The following PPP4R3B variants were observed in gnomAD, a reference collection of about 807,000 sequenced individuals.
PPP4R3B encodes the protein serine/threonine-protein phosphatase 4 regulatory subunit 3B.
Under a neutral mutation model 95.4 loss-of-function variants are expected in PPP4R3B, and 52 were observed. That is an observed-to-expected ratio of 0.54 (90% confidence interval 0.44 to 0.69). The LOEUF (loss-of-function observed/expected upper bound fraction) is 0.69, where lower values mean the gene tolerates loss of function less well. Among genes scored for constraint, PPP4R3B ranks in the 30% least tolerant of loss-of-function variants. The pLI is 0.00. For synonymous variants in PPP4R3B, 407 were observed against 343.9 expected, an observed-to-expected ratio of 1.18 and a Z score of -2.03; for missense variants, 1,003 against 1,005.9, an observed-to-expected ratio of 1.00 and a Z score of 0.04.
At chr2:55,614,478 C>T (rs1172535497) in intron 2 of PPP4R3B, 3 of 152,096 alleles carry the variant, frequency 2.0e-5, no homozygotes, top group Admixed American at 6.5e-5. Context: ...GTGAAAAATG[C>T]AAGCTGCAGA....
intron 2 of PPP4R3B, chr2:55,615,250 G>A (rs182705335): frequency 5.7e-6 from 3 of 527,024 alleles, no homozygotes; most frequent in South Asian, 4.5e-5. Context: ...ACCGACAGTG[G>A]CTCAATCCAA....
chr2:55,589,157 C>T (rs1240073310), intron 4 of PPP4R3B, among the ~76,000 whole-genome samples: 1 of 147,504 alleles, frequency 6.8e-6, no homozygotes, highest in Non-Finnish European at 1.5e-5. Context: ...ACATCAATAT[C>T]TAGTTTAACT....
chr2:55,589,334 C>A (rs1428260856), intron 4 of PPP4R3B, among the ~76,000 whole-genome samples: 1 of 65,188 alleles, frequency 1.5e-5, no homozygotes, highest in African/African-American at 8.9e-5. Flanking sequence ...CAGTTTATAA[C>A]AGATTAGAAA....
intron 16 of PPP4R3B, among the ~76,000 whole-genome samples, chr2:55,552,855 A>AC (rs1453275342): frequency 2.6e-5 from 4 of 152,242 alleles, no homozygotes; most frequent in Non-Finnish European, 5.9e-5. Context: ...GGCAAGTCAT[A>AC]CAACAGGAAG....
intron 2 of PPP4R3B, among the ~76,000 whole-genome samples, chr2:55,604,299 A>C (rs1309418762): frequency 6.6e-6 from 1 of 152,176 alleles, no homozygotes; most frequent in Non-Finnish European, 1.5e-5. Flanking sequence ...AAATATTAAA[A>C]CAGGCTAGTA....
At chr2:55,584,111 A>T (rs1393270602) in intron 7 of PPP4R3B, among the ~76,000 whole-genome samples, 1 of 152,108 alleles carries the variant, frequency 6.6e-6, no homozygotes, top group African/African-American at 2.4e-5. Context: ...GCGCCATTGC[A>T]CTCCAGCCTG....
chr2:55,585,165 G>A lies in PPP4R3B; in HGVS notation c.1119C>T (p.Gly373=), dbSNP rs373747378. ...CTGATCTGACTTGCAAATCATCCAT[G>A]CCCTGATAAAAGGAAAATTAGGTTA... is the stretch of plus-strand genomic sequence containing the variant. ...GILPALEIVM[G]MDDLQVRSAA... The change falls in exon 7 of 17, where the codon GGC becomes GGT. Residue 373 remains glycine (G), a splice_region_variant and synonymous_variant. Coordinates refer to ENST00000616407, the MANE Select transcript of PPP4R3B (RefSeq NM_001122964.3). 5.0e-6 allele frequency: 8 copies of A among 1,591,880 alleles called. No homozygotes were observed. The African/African-American group carries it at 6.8e-5, about 13-fold the overall frequency.
At chr2:55,606,360 A>G (rs190917132) in intron 2 of PPP4R3B, among the ~76,000 whole-genome samples, 89 of 152,292 alleles carry the variant, frequency 5.8e-4, no homozygotes, top group African/African-American at 2.0e-3. Flanking sequence ...TAGTATACCC[A>G]AACATAACAG....
chr2:55,597,006 T>C (rs1245835529), intron 4 of PPP4R3B, among the ~76,000 whole-genome samples: 1 of 152,002 alleles, frequency 6.6e-6, no homozygotes, highest in Non-Finnish European at 1.5e-5. Flanking sequence ...TCGATATATA[T>C]AATAGGCAAA....
At chr2:55,611,427 A>G (rs1694151239) in intron 2 of PPP4R3B, among the ~76,000 whole-genome samples, 1 of 152,232 alleles carries the variant, frequency 6.6e-6, no homozygotes, top group East Asian at 1.9e-4. Context: ...GTTGTATCAT[A>G]TAATGATTCT....
In PPP4R3B at chr2:55,549,956, T is replaced by A. The variant is rs1315743241; in HGVS notation, c.2505A>T (p.Glu835Asp). 10 of 1,613,458 alleles carry A rather than the reference T, an allele frequency of 6.2e-6. No individual in the cohort carries two copies. The highest frequency in any genetic ancestry group is 8.5e-6 in the Non-Finnish European group (10 of 1,179,830). Residue 835 changes from glutamate to aspartate, a missense_variant, in exon 17 of 17, where the codon GAA (glutamate) becomes GAT (aspartate). Around this residue, in one of 3 missense-constraint regions of PPP4R3B, gnomAD observed 229 missense variants for 194.7 expected, o/e 1.18. Coordinates refer to ENST00000616407, the MANE Select transcript of PPP4R3B (RefSeq NM_001122964.3). ...TTTTCCTGGGGGACGATTCTTCTTC[T>A]TCATCTTCCTCTTCATCATCTGGAT... is the stretch of plus-strand genomic sequence containing the variant. Reference protein sequence around the residue: ...VDYPDDEEEDEEEESSPRKRP... With the variant: ...VDYPDDEEEDDEEESSPRKRP...
At chr2:55,585,686 A>ATCTAGT in intron 6 of PPP4R3B, among the ~76,000 whole-genome samples, 1 of 152,160 alleles carries the variant, frequency 6.6e-6, no homozygotes, top group Non-Finnish European at 1.5e-5. Flanking sequence ...CTAAGATGGT[A>ATCTAGT]ATCCTAGATA....
intron 7 of PPP4R3B, among the ~76,000 whole-genome samples, chr2:55,583,829 A>T (rs551041975): frequency 6.6e-6 from 1 of 152,360 alleles, no homozygotes; most frequent in African/African-American, 2.4e-5. Context: ...AAAAGATTAA[A>T]TGCAAAACAC....
chr2:55,578,129 ATATG>A (rs888583673), intron 10 of PPP4R3B, 114 bp downstream of exon 10: 36 of 1,035,682 alleles, frequency 3.5e-5, no homozygotes, highest in South Asian at 5.0e-5. Flanking sequence ...ATGCAGAATA[ATATG>A]TATGACAGAC....
At position 55,588,913 on chromosome 2, in the gene PPP4R3B, T is replaced by C. The variant is rs1201986953; in HGVS notation, c.965A>G (p.Asp322Gly). ...FLSEVFAQLT[D>G]EATDDDKRRE... ...CCGTTTATCATCATCTGTAGCCTCA[T>C]CTGTTAATTGTGCAAAAACTTCAGA... The change falls in exon 5 of 17, where the codon GAT becomes GGT. Residue 322 changes from aspartate to glycine, a missense_variant. Physicochemically the swap from Asp to Gly is moderately conservative, Grantham distance 94. Around this residue, in one of 3 missense-constraint regions of PPP4R3B, gnomAD observed 695 missense variants for 686.2 expected, o/e 1.01. Transcript: ENST00000616407. 2.5e-6 allele frequency: 4 copies of C among 1,610,974 alleles called. No individual in the cohort carries two copies. Among genetic ancestry groups the C allele is most frequent in the Admixed American group, 1.7e-5 (1 of 59,894 alleles).
At chr2:55,588,651 TG>T (rs1157837023) in intron 5 of PPP4R3B, among the ~76,000 whole-genome samples, 1 of 151,910 alleles carries the variant, frequency 6.6e-6, no homozygotes, top group East Asian at 1.9e-4. Flanking sequence ...CATACAATGG[TG>T]GGGGGTGATA....
intron 2 of PPP4R3B, among the ~76,000 whole-genome samples, chr2:55,611,255 G>A (rs559368768): frequency 3.9e-5 from 6 of 152,256 alleles, no homozygotes; most frequent in African/African-American, 1.2e-4. Context: ...TCAAACTCCT[G>A]GCCTTAAGTG....
chr2:55,552,177 C>G (rs533614564), intron 16 of PPP4R3B, among the ~76,000 whole-genome samples: 5 of 152,122 alleles, frequency 3.3e-5, no homozygotes, highest in African/African-American at 1.2e-4. Context: ...AATAAAAATG[C>G]AAAATATGAA....
chr2:55,555,580 G>C (rs1198941501), intron 16 of PPP4R3B, among the ~76,000 whole-genome samples: 1 of 152,116 alleles, frequency 6.6e-6, no homozygotes, highest in Non-Finnish European at 1.5e-5. Flanking sequence ...CAGGCATGGT[G>C]TCGCACACCT....
Sources: gnomAD v4.1 joint callset for allele counts (sites outside exome capture counted in the v4.1 genomes callset) on GRCh38, gnomAD v4.1.1 for gene constraint, gnomAD v4.1.1 regional missense constraint, MANE v1.5 for transcripts, NCBI Gene and HGNC (gene_info 2026-07-23, HGNC 2026-07-21) for gene names.